The following RYR1 variants were observed in gnomAD, a reference collection of about 807,000 sequenced individuals.
The protein encoded by RYR1 is ryanodine receptor 1, also known as central core disease of muscle.
In RYR1, 342 loss-of-function variants were observed where a neutral mutation model predicts 583.5. The ratio of observed to expected loss-of-function variants is 0.59; its 90% CI spans 0.54 to 0.64. The LOEUF (loss-of-function observed/expected upper bound fraction) is 0.64, where lower values mean the gene tolerates loss of function less well. Ranked by LOEUF, RYR1 falls within the 30% of genes least tolerant of loss-of-function variation. The pLI is 0.00. For synonymous variants in RYR1, 2,791 were observed against 2,822.5 expected (o/e 0.99, Z 0.35); for missense variants, 6,032 against 6,917.2 (o/e 0.87, Z 4.54).
chr19:38,474,145 T>C (rs1372253610), intron 28 of RYR1, among the ~76,000 whole-genome samples: 1 of 152,204 alleles, frequency 6.6e-6, no homozygotes, highest in African/African-American at 2.4e-5. Context: ...TACCCAGTGG[T>C]CTTCTAAATG....
intron 84 of RYR1, among the ~76,000 whole-genome samples, chr19:38,542,374 A>G (rs545710473): frequency 6.6e-6 from 1 of 152,334 alleles, no homozygotes; most frequent in Non-Finnish European, 1.5e-5. Flanking sequence ...TTTGGAAACT[A>G]ACGAGGAACT....
At chr19:38,443,121 A>G (rs1350417095) in intron 3 of RYR1, among the ~76,000 whole-genome samples, 1 of 152,178 alleles carries the variant, frequency 6.6e-6, no homozygotes, top group Non-Finnish European at 1.5e-5. Flanking sequence ...ACATTCACCT[A>G]TGGAACAACT....
rs894542476 is a variant in RYR1 at position 38,444,524 on chromosome 19, G to A, written c.538-60G>A. 5.5e-6 allele frequency: 8 copies of A among 1,456,922 alleles called. No individual in the cohort carries two copies. The African/African-American group carries it at 7.0e-5, about 13-fold the overall frequency. 90.2% of individuals were successfully genotyped at this position (1,456,922 alleles called of 1,614,324 possible). ...CCACCCTTGATTTCTGGCCTCTGAC[G>A]CTGGGACTCTCGCCCACCCCTGCAA... On this transcript the variant is annotated intron_variant, in intron 6 of 105. Transcript: ENST00000359596. The surrounding 1 kb of genome is among the most constrained non-coding windows in gnomAD (Gnocchi z 5.1).
intron 94 of RYR1, 65 bp from the exon 95 acceptor site, chr19:38,571,954 G>C: frequency 6.2e-7 from 1 of 1,611,188 alleles, no homozygotes; most frequent in Non-Finnish European, 8.5e-7. Flanking sequence ...GGGAATGGAG[G>C]CTCAATTTTG....
At chr19:38,580,348 C>A (rs199819868) in intron 100 of RYR1, 22 bp from the exon 101 acceptor site, 6 of 1,613,468 alleles carry the variant, frequency 3.7e-6, no homozygotes, top group Non-Finnish European at 5.1e-6. Context: ...GCGGAGCTGA[C>A]CTGGCCCCAT....
chr19:38,532,626 G>C, intron 77 of RYR1, 45 bp from the exon 78 acceptor site: 3 of 1,613,788 alleles, frequency 1.9e-6, no homozygotes, highest in Non-Finnish European at 2.5e-6. Context: ...GGGCGGGATG[G>C]AGGGGTCTGC....
chr19:38,528,738 A>T (rs910475812), intron 75 of RYR1, 43 bp downstream of exon 75: 3 of 1,601,958 alleles, frequency 1.9e-6, no homozygotes, highest in Non-Finnish European at 2.6e-6. Flanking sequence ...CGAGCTGGAT[A>T]GGGCTGGGGC....
intron 93 of RYR1, among the ~76,000 whole-genome samples, chr19:38,569,830 G>A (rs1469657234): frequency 6.6e-6 from 1 of 152,164 alleles, no homozygotes; most frequent in East Asian, 1.9e-4. Flanking sequence ...TGCAAATAAA[G>A]TTCTTAGCCC....
intron 89 of RYR1, among the ~76,000 whole-genome samples, chr19:38,553,357 A>C (rs1236296546): frequency 1.3e-5 from 2 of 150,940 alleles, no homozygotes; most frequent in Non-Finnish European, 1.5e-5. Context: ...AAAAAAATCA[A>C]AATATAGCCA....
intron 81 of RYR1, 62 bp from the exon 82 acceptor site, chr19:38,535,935 C>T (rs1971943379): frequency 6.6e-7 from 1 of 1,507,014 alleles, no homozygotes; most frequent in Non-Finnish European, 9.1e-7. Context: ...CTGCCAGGCC[C>T]TGGGAGAGAG....
chr19:38,507,155 T>TAGG (rs1555785991), intron 57 of RYR1, among the ~76,000 whole-genome samples: 3 of 142,080 alleles, frequency 2.1e-5, no homozygotes, highest in African/African-American at 8.1e-5. Flanking sequence ...GGGCGGGGCT[T>TAGG]AAGCACAGGC....
intron 3 of RYR1, among the ~76,000 whole-genome samples, chr19:38,442,954 T>C (rs763388645): frequency 4.6e-5 from 7 of 152,106 alleles, no homozygotes; most frequent in Non-Finnish European, 1.0e-4. Context: ...TGTGATCACC[T>C]GGCCCCATCA....
rs908745722 is a variant in RYR1 at position 38,578,153 on chromosome 19, C to T, written c.14313C>T (p.Ser4771=). 1.2e-6 allele frequency: 2 copies of T among 1,613,680 alleles called. No homozygotes were observed. Among genetic ancestry groups the T allele is most frequent in the Non-Finnish European group, 1.7e-6 (2 of 1,179,802 alleles). The change falls in exon 99 of 106, where the codon TCC becomes TCT. Residue 4771 remains serine (S), a synonymous_variant. Coordinates refer to ENST00000359596, the MANE Select transcript of RYR1 (RefSeq NM_000540.3). The part of the protein sequence containing the change: ...PPPGLLTWLM[S]IDVKYQIWKF... ...ACCCCCGCCCCCACAGGCTCATGTC[C>T]ATCGATGTCAAGTACCAGATCTGGA...
intron 104 of RYR1, 68 bp from the exon 105 acceptor site, chr19:38,586,457 C>T: frequency 1.3e-6 from 2 of 1,501,984 alleles, no homozygotes; most frequent in Non-Finnish European, 1.9e-6. Context: ...TTCCTCTCTA[C>T]TATAAATGAA....
intron 18 of RYR1, 30 bp downstream of exon 18, chr19:38,458,322 C>T (rs745800944): frequency 1.2e-6 from 2 of 1,604,822 alleles, no homozygotes; most frequent in South Asian, 1.1e-5. Flanking sequence ...GGACCCTCAC[C>T]CCTGACCATT....
chr19:38,549,318 G>A (rs555498644), intron 89 of RYR1, among the ~76,000 whole-genome samples: 3 of 152,272 alleles, frequency 2.0e-5, no homozygotes, highest in East Asian at 3.9e-4. Flanking sequence ...TTGGCAGTGT[G>A]CGGTGGTTCA....
intron 102 of RYR1, among the ~76,000 whole-genome samples, chr19:38,585,504 C>T (rs961801598): frequency 4.0e-5 from 6 of 149,766 alleles, no homozygotes; most frequent in Admixed American, 1.3e-4. Flanking sequence ...GAGGGAGTCT[C>T]GCTCTGTTGC....
At chr19:38,577,679 C>G (rs1186386554) in intron 97 of RYR1, among the ~76,000 whole-genome samples, 1 of 152,018 alleles carries the variant, frequency 6.6e-6, no homozygotes, top group East Asian at 1.9e-4. Flanking sequence ...GCCTGTAATC[C>G]CAGCTACTCA....
chr19:38,564,550 C>G (rs1480093816), intron 90 of RYR1, among the ~76,000 whole-genome samples: 1 of 151,172 alleles, frequency 6.6e-6, no homozygotes, highest in South Asian at 2.1e-4. Flanking sequence ...CAGACTTTCA[C>G]TCTGTTGCCC....
Sources: allele counts gnomAD v4.1 joint callset (sites outside exome capture counted in the v4.1 genomes callset), GRCh38; gene constraint gnomAD v4.1.1; non-coding constraint Gnocchi (gnomAD v3.1); transcripts MANE v1.5; gene names NCBI Gene and HGNC (gene_info 2026-07-23, HGNC 2026-07-21).